PTPRQ: variants seen among roughly 807,000 people sequenced by gnomAD.
PTPRQ encodes the protein protein tyrosine phosphatase receptor type Q.
A neutral mutation model predicts 246.0 loss-of-function variants in PTPRQ; 199 were observed. The observed-to-expected ratio is 0.81, with a 90% confidence interval of 0.72 to 0.91. PTPRQ has a LOEUF of 0.91. PTPRQ is among the 40% of genes least tolerant of loss of function. The pLI is 0.00. For synonymous variants in PTPRQ, 869 were observed against 853.2 expected, an observed-to-expected ratio of 1.02 and a Z score of -0.32; for missense variants, 2,624 against 2,528.4, an observed-to-expected ratio of 1.04 and a Z score of -0.81.
chr12:80,654,975 G>C (rs1286274942), intron 38 of PTPRQ, among the ~76,000 whole-genome samples: 1 of 152,064 alleles, frequency 6.6e-6, no homozygotes, highest in Non-Finnish European at 1.5e-5. Context: ...AAATTTGATA[G>C]ATCAGAAAGT....
chr12:80,463,902 G>T (rs1179987341), intron 6 of PTPRQ, among the ~76,000 whole-genome samples: 2 of 151,232 alleles, frequency 1.3e-5, no homozygotes, highest in South Asian at 4.2e-4. Flanking sequence ...GGTACCAGCC[G>T]CTGCAAAATC....
At chr12:80,649,698 G>A (rs1199724254) in intron 37 of PTPRQ, 29 bp downstream of exon 37, 1 of 1,535,008 alleles carries the variant, frequency 6.5e-7, no homozygotes, top group Non-Finnish European at 8.8e-7. Flanking sequence ...TCACAACATT[G>A]CAAGACCTCC....
chr12:80,589,820 C>T (rs61951075), intron 26 of PTPRQ, among the ~76,000 whole-genome samples: 23,179 of 152,100 alleles, frequency 0.15, 2,117 homozygotes, highest in Middle Eastern at 0.22. Flanking sequence ...CTGGTAGCTC[C>T]GTCTCCGTCC....
At chr12:80,568,483 A>T (rs1010073567) in intron 25 of PTPRQ, among the ~76,000 whole-genome samples, 1 of 152,156 alleles carries the variant, frequency 6.6e-6, no homozygotes, top group African/African-American at 2.4e-5. Flanking sequence ...ATCATCCTTC[A>T]TTGAATTCAT....
intron 27 of PTPRQ, among the ~76,000 whole-genome samples, chr12:80,607,447 C>T (rs1251634099): frequency 6.7e-6 from 1 of 149,198 alleles, no homozygotes; most frequent in Non-Finnish European, 1.5e-5. Context: ...TCCTTCCTTC[C>T]TTCCTTCCTT....
At chr12:80,547,324 T>C (rs1407092128) in intron 24 of PTPRQ, among the ~76,000 whole-genome samples, 1 of 152,190 alleles carries the variant, frequency 6.6e-6, no homozygotes, top group Non-Finnish European at 1.5e-5. Context: ...GTACTTTTCC[T>C]TTTCTCAACT....
At chr12:80,451,121 C>T (rs952431293) in intron 3 of PTPRQ, among the ~76,000 whole-genome samples, 24 of 152,270 alleles carry the variant, frequency 1.6e-4, no homozygotes, top group Admixed American at 2.6e-4. Context: ...GTGTATGTGT[C>T]GAGGAATTTA....
chr12:80,515,958 T>G (rs1203644507), intron 17 of PTPRQ, among the ~76,000 whole-genome samples: 1 of 152,184 alleles, frequency 6.6e-6, no homozygotes, highest in African/African-American at 2.4e-5. Context: ...TTAAAATGAT[T>G]TTTCCTTCTG....
rs554930585 is a variant in PTPRQ, at chr12:80,484,624, A to T, written c.1359+19A>T. On this transcript the variant is annotated intron_variant, in intron 9 of 44. Transcript: ENST00000644991. ...TAATGAGGTATTGCATTTTTATTTC[A>T]CTTATTGGTGAACCCTTTCTGCTTG... 3.9e-6 allele frequency: 6 copies of T among 1,547,086 alleles called. No homozygotes were observed. In the South Asian group the frequency reaches 4.8e-5, roughly 12 times the overall value.
intron 25 of PTPRQ, among the ~76,000 whole-genome samples, chr12:80,581,802 GA>G (rs1464624326): frequency 1.3e-5 from 2 of 151,934 alleles, no homozygotes; most frequent in East Asian, 1.9e-4. Flanking sequence ...AAAAAAAGTA[GA>G]AAAAATACAA....
intron 39 of PTPRQ, among the ~76,000 whole-genome samples, chr12:80,660,310 T>G (rs953681468): frequency 6.6e-6 from 1 of 152,034 alleles, no homozygotes; most frequent in Admixed American, 6.6e-5. Flanking sequence ...ATGTTAAGAC[T>G]GGGACCCTCC....
chr12:80,621,021 T>C (rs1453629407), intron 32 of PTPRQ, among the ~76,000 whole-genome samples: 1 of 151,906 alleles, frequency 6.6e-6, no homozygotes, highest in Non-Finnish European at 1.5e-5. Flanking sequence ...AAAAGAATCA[T>C]CTTATCCTTG....
At chr12:80,444,677 T>G in intron 1 of PTPRQ, 64 bp from the exon 2 acceptor site, 1 of 1,225,536 alleles carries the variant, frequency 8.2e-7, no homozygotes, top group East Asian at 2.6e-5. Context: ...AGTGATAGAT[T>G]TATTTTAGCT....
intron 9 of PTPRQ, among the ~76,000 whole-genome samples, chr12:80,490,709 G>A (rs946235588): frequency 1.3e-5 from 2 of 151,898 alleles, no homozygotes; most frequent in African/African-American, 4.8e-5. Context: ...CAGTAGTGCT[G>A]AGGTTGGGAA....
At chr12:80,638,667 C>G (rs1320245698) in intron 35 of PTPRQ, among the ~76,000 whole-genome samples, 3 of 152,066 alleles carry the variant, frequency 2.0e-5, no homozygotes, top group Non-Finnish European at 4.4e-5. Context: ...CACTTTGTTT[C>G]ACAAAACTTT....
At chr12:80,560,891 C>T (rs1191893698) in intron 25 of PTPRQ, 1 of 152,998 alleles carries the variant, frequency 6.5e-6, no homozygotes, top group Admixed American at 6.5e-5. Context: ...GACCTATGGA[C>T]ATGGTTAATT....
At chr12:80,563,890 G>A (rs963828753) in intron 25 of PTPRQ, among the ~76,000 whole-genome samples, 1 of 152,114 alleles carries the variant, frequency 6.6e-6, no homozygotes, top group African/African-American at 2.4e-5. Flanking sequence ...TGCTAAGAGA[G>A]AGAAGAAGAC....
At chr12:80,523,934 CT>C (rs1895596607) in intron 17 of PTPRQ, among the ~76,000 whole-genome samples, 1 of 152,100 alleles carries the variant, frequency 6.6e-6, no homozygotes, top group South Asian at 2.1e-4. Context: ...AACTTTCTGT[CT>C]CATTGATCTG....
Position 80,496,384 on chromosome 12 carries a change from T to C in PTPRQ, c.2125T>C (p.Leu709=), listed in dbSNP as rs77699008. The change falls in exon 14 of 45, where the codon TTA becomes CTA. Residue 709 remains leucine (L), a synonymous_variant. Transcript: ENST00000644991. ...AGTGCTATATAAAAATATAGATACT[T>C]TATATATGAAGAACACATCAACAAC... ...YEVLYKNIDT[L]YMKNTSTTDI... The C allele has an allele frequency of 6.2e-3, 9,670 of 1,550,486 alleles. 327 individuals are homozygous for C. The Admixed American group carries it at 0.083, about 13-fold the overall frequency.
Sources: gnomAD v4.1 joint callset for allele counts (sites outside exome capture counted in the v4.1 genomes callset) on GRCh38, gnomAD v4.1.1 for gene constraint, MANE v1.5 for transcripts, NCBI Gene and HGNC (gene_info 2026-07-23, HGNC 2026-07-21) for gene names.